The following RNF121 variants were observed in gnomAD, a reference collection of about 807,000 sequenced individuals.
RNF121 encodes the protein E3 ubiquitin ligase RNF121.
RNF121 carries 21 observed loss-of-function variants against 46.5 expected under a neutral mutation model. That is an observed-to-expected ratio of 0.45 (90% confidence interval 0.32 to 0.65). The LOEUF (loss-of-function observed/expected upper bound fraction) is 0.65, where lower values mean the gene tolerates loss of function less well. Ranked by LOEUF, RNF121 falls within the 30% of genes least tolerant of loss-of-function variation. The pLI is 0.04. For synonymous variants in RNF121, 139 were observed against 144.7 expected (o/e 0.96, Z 0.28); for missense variants, 346 against 416.0 (o/e 0.83, Z 1.46).
chr11:71,941,699 G>A (rs1363630219), intron 1 of RNF121, among the ~76,000 whole-genome samples: 1 of 152,214 alleles, frequency 6.6e-6, no homozygotes, highest in African/African-American at 2.4e-5. Flanking sequence ...TGAAGACCTA[G>A]CAATTTCGAG....
chr11:71,985,212 C>T (rs1289673052), intron 4 of RNF121, among the ~76,000 whole-genome samples: 1 of 152,142 alleles, frequency 6.6e-6, no homozygotes, highest in African/African-American at 2.4e-5. Flanking sequence ...CAGGTGTGAG[C>T]CATTGTGCCT....
At chr11:71,968,400 T>G (rs1415353427) in intron 3 of RNF121, among the ~76,000 whole-genome samples, 3 of 152,168 alleles carry the variant, frequency 2.0e-5, no homozygotes, top group African/African-American at 7.2e-5. Context: ...CTCTATTGTT[T>G]GCTATTCTGT....
chr11:71,965,674 A>G (rs1167284658), intron 3 of RNF121, among the ~76,000 whole-genome samples: 1 of 152,270 alleles, frequency 6.6e-6, no homozygotes, highest in Non-Finnish European at 1.5e-5. Context: ...AATTACCTGC[A>G]TACCTGTGCA....
intron 1 of RNF121, among the ~76,000 whole-genome samples, chr11:71,943,021 C>T (rs993758749): frequency 3.3e-5 from 5 of 152,118 alleles, no homozygotes; most frequent in African/African-American, 4.8e-5. Flanking sequence ...AGGTCTCCAC[C>T]TTCACAACCT....
At chr11:71,974,123 A>G (rs1954479271) in intron 3 of RNF121, among the ~76,000 whole-genome samples, 1 of 152,000 alleles carries the variant, frequency 6.6e-6, no homozygotes, top group Non-Finnish European at 1.5e-5. Context: ...TTGTATTTTT[A>G]GTAGAGACGG....
chr11:71,962,259 C>T (rs1046974834), intron 3 of RNF121: 20 of 979,666 alleles, frequency 2.0e-5, no homozygotes, highest in African/African-American at 7.0e-5. Flanking sequence ...CCACCGCGCC[C>T]GGCAGATTTT....
At chr11:71,938,314 AT>A (rs71958930) in intron 1 of RNF121, among the ~76,000 whole-genome samples, 70 of 94,918 alleles carry the variant, frequency 7.4e-4, no homozygotes, top group East Asian at 2.6e-3. Flanking sequence ...TAGTCTCTTA[AT>A]TTTTTTTTTT....
At chr11:71,931,018 G>A in intron 1 of RNF121, among the ~76,000 whole-genome samples, 1 of 152,098 alleles carries the variant, frequency 6.6e-6, no homozygotes, top group South Asian at 2.1e-4. Context: ...ATTTTTAGTA[G>A]AGACAGGGTT....
intron 4 of RNF121, among the ~76,000 whole-genome samples, chr11:71,985,034 A>G (rs1238561165): frequency 1.3e-5 from 2 of 151,708 alleles, no homozygotes; most frequent in Admixed American, 6.6e-5. Context: ...CAATTTTCCC[A>G]TCTCAGTCTC....
chr11:71,978,158 C>A (rs1391878877), intron 3 of RNF121: 1 of 452,210 alleles, frequency 2.2e-6, no homozygotes, highest in Non-Finnish European at 4.4e-6. Flanking sequence ...GCCTCAGCCC[C>A]CCAATGTGCT....
At chr11:71,930,642 G>A (rs189024017) in intron 1 of RNF121, among the ~76,000 whole-genome samples, 60 of 152,280 alleles carry the variant, frequency 3.9e-4, no homozygotes, top group Admixed American at 2.4e-3. Flanking sequence ...TGTGATTACA[G>A]TTGGCTGTGG....
chr11:71,994,131 C>T (rs1484307791), intron 6 of RNF121, among the ~76,000 whole-genome samples: 3 of 152,148 alleles, frequency 2.0e-5, no homozygotes, highest in Non-Finnish European at 2.9e-5. Flanking sequence ...TCAGCCACCG[C>T]GCCCAGCCTC....
At chr11:71,944,500 G>A (rs1953667916) in intron 1 of RNF121, among the ~76,000 whole-genome samples, 1 of 152,190 alleles carries the variant, frequency 6.6e-6, no homozygotes, top group African/African-American at 2.4e-5. Flanking sequence ...ATAATTTCTG[G>A]TGTATTATAT....
chr11:71,990,769 C>A, intron 6 of RNF121, 52 bp downstream of exon 6: 2 of 1,601,942 alleles, frequency 1.2e-6, no homozygotes, highest in South Asian at 2.2e-5. Context: ...CCAAATTGCT[C>A]AAGTTGATGT....
intron 3 of RNF121, among the ~76,000 whole-genome samples, chr11:71,963,521 G>T (rs1352317380): frequency 1.3e-5 from 2 of 152,142 alleles, no homozygotes; most frequent in Non-Finnish European, 2.9e-5. Flanking sequence ...TCGGAAGGCT[G>T]AGGCAGGAGA....
chr11:71,995,380 C>T, intron 7 of RNF121, 70 bp from the exon 8 acceptor site: 2 of 1,268,270 alleles, frequency 1.6e-6, no homozygotes, highest in Non-Finnish European at 2.2e-6. Flanking sequence ...GGATTTGAAC[C>T]TTTCAAAGAC....
intron 5 of RNF121, among the ~76,000 whole-genome samples, chr11:71,987,585 G>A (rs530548680): frequency 6.6e-6 from 1 of 152,298 alleles, no homozygotes; most frequent in East Asian, 1.9e-4. Flanking sequence ...CTGGAACATA[G>A]TCATGCCCAT....
intron 1 of RNF121, among the ~76,000 whole-genome samples, chr11:71,948,284 G>A (rs984406570): frequency 1.3e-5 from 2 of 152,114 alleles, no homozygotes; most frequent in African/African-American, 4.8e-5. Flanking sequence ...GAGAGGCCGA[G>A]GCAGTTGGAT....
At chr11:71,963,062 GT>G (rs1954176284) in intron 3 of RNF121, among the ~76,000 whole-genome samples, 1 of 151,948 alleles carries the variant, frequency 6.6e-6, no homozygotes. Flanking sequence ...TGAATTTTTT[GT>G]CTTTTTGTTG....
Sources: gnomAD v4.1 joint callset for allele counts (sites outside exome capture counted in the v4.1 genomes callset) on GRCh38, gnomAD v4.1.1 for gene constraint, MANE v1.5 for transcripts, NCBI Gene and HGNC (gene_info 2026-07-23, HGNC 2026-07-21) for gene names.